The following DNMT1 variants were observed in gnomAD, a reference collection of about 807,000 sequenced individuals.
DNMT1 encodes the protein DNA (cytosine-5)-methyltransferase 1.
In DNMT1, 24 loss-of-function variants were observed where a neutral mutation model predicts 205.3. The ratio of observed to expected loss-of-function variants is 0.12; its 90% CI spans 0.08 to 0.16. DNMT1 has a LOEUF of 0.16. DNMT1 is among the 10% of genes least tolerant of loss of function. The pLI is 1.00. For missense variants in DNMT1, 1,293 were observed against 2,177.7 expected, an observed-to-expected ratio of 0.59 and a Z score of 8.09; for synonymous variants, 817 against 839.8, an observed-to-expected ratio of 0.97 and a Z score of 0.47.
chr19:10,134,166 CCCCCAGAGGGCAGTCAGG>C (rs1178746741), intron 40 of DNMT1, 33 bp downstream of exon 40: 5 of 1,597,924 alleles, frequency 3.1e-6, no homozygotes, highest in Non-Finnish European at 3.4e-6. Context: ...CCCACATGTA[CCCCCAGAGGGCAGTCAGG>C]CCCCAGAGGA....
intron 11 of DNMT1, among the ~76,000 whole-genome samples, chr19:10,165,117 A>C (rs2038661112): frequency 6.6e-6 from 1 of 151,746 alleles, no homozygotes; most frequent in Non-Finnish European, 1.5e-5. Context: ...AATTAAAAAA[A>C]AAAATTAGCT....
intron 28 of DNMT1, chr19:10,144,856 G>C (rs558617637): frequency 6.6e-6 from 1 of 152,082 alleles, no homozygotes; most frequent in Non-Finnish European, 1.5e-5. Flanking sequence ...CTCGTGCCTC[G>C]GCCTCCCAAG....
rs547553691 is a variant in DNMT1, at chr19:10,162,411, G to A, written c.1008+256C>T. On this transcript the variant is annotated intron_variant, in intron 13 of 40. Coordinates refer to ENST00000359526, the MANE Select transcript of DNMT1 (RefSeq NM_001130823.3). ...CAGCCTCTCGAGTAGCTGGGACTAC[G>A]GGCGTGCACCACCATGCCCAGATAA... Among the ~76,000 whole-genome samples the A allele has an allele frequency of 3.2e-4, 49 of 151,392 alleles. No homozygotes were observed. The South Asian group carries it at 9.8e-3, about 30-fold the overall frequency.
In DNMT1 at chr19:10,173,871, C is replaced by T. The variant is rs777469378; in HGVS notation, c.683G>A (p.Arg228Gln). Residue 228 changes from arginine to glutamine, a missense_variant and splice_region_variant, in exon 8 of 41, where the codon CGA becomes CAA. Around this residue, in one of 13 missense-constraint regions of DNMT1, gnomAD observed 394 missense variants for 451.6 expected, o/e 0.87. Transcript: ENST00000359526. ...AGAAAGGTATAGTAACTATTCTTAC[C>T]GTTCTCTGGATGTAACTCTACGTCT... ...EKRRRVTSRE[R>Q]VARPLPAEEP... 10 of 1,613,786 alleles carry T rather than the reference C, an allele frequency of 6.2e-6. No individual in the cohort carries two copies. Among genetic ancestry groups the T allele is most frequent in the South Asian group, 2.2e-5 (2 of 91,054 alleles).
Position 10,146,563 on chromosome 19 carries a change from G to A in DNMT1, c.2721-39C>T, listed in dbSNP as rs375764360. The A allele has an allele frequency of 3.7e-6, 6 of 1,611,894 alleles. No individual in the cohort carries two copies. Among genetic ancestry groups the A allele is most frequent in the Non-Finnish European group, 5.1e-6 (6 of 1,179,430 alleles). On this transcript the variant is annotated intron_variant, in intron 27 of 40. Transcript: ENST00000359526. The surrounding 1 kb of genome is among the most constrained non-coding windows in gnomAD (Gnocchi z 4.4). ...AGGGACAGAAACATAAGGCCCTGAG[G>A]TGGCCGGCAGTGGCCGCAGCAGCTA...
At chr19:10,144,387 G>A in intron 28 of DNMT1, 1 of 251,482 alleles carries the variant, frequency 4.0e-6, no homozygotes, top group East Asian at 1.0e-4. Flanking sequence ...CAGCCTGTGT[G>A]ACAGAGCAAG....
chr19:10,158,622 G>C (rs2038504570), intron 17 of DNMT1, among the ~76,000 whole-genome samples: 1 of 152,202 alleles, frequency 6.6e-6, no homozygotes, highest in Non-Finnish European at 1.5e-5. Flanking sequence ...GGATGCCTGA[G>C]AGCACAGGGC....
In DNMT1 at chr19:10,137,059, C is replaced by A; in HGVS notation, c.4489+26G>T. The A allele has an allele frequency of 6.2e-7, 1 of 1,606,860 alleles. No individual in the cohort carries two copies. Among genetic ancestry groups the A allele is most frequent in the Non-Finnish European group, 8.5e-7 (1 of 1,177,306 alleles). On this transcript the variant is annotated intron_variant, in intron 37 of 40. Transcript: ENST00000359526. This position sits in a 1 kb window ranked among gnomAD's most constrained non-coding sequence, Gnocchi z 6.4. ...TCTGCCTTCCTTCCCCTCAGCCCACCGGGAACCACAACTTACAGGACCCAC... is the reference window on the plus strand; with the variant it reads ...TCTGCCTTCCTTCCCCTCAGCCCACAGGGAACCACAACTTACAGGACCCAC...
chr19:10,160,046 G>C lies in DNMT1; in HGVS notation c.1061C>G (p.Ala354Gly). The C allele has an allele frequency of 6.2e-7, 1 of 1,601,026 alleles. No individual in the cohort carries two copies. The highest frequency in any genetic ancestry group is 8.5e-7 in the Non-Finnish European group (1 of 1,177,382). ...GGAGTTCATGACTGTTTTGGCGCGA[G>C]CCATTTTTTTCTCCGTTCTGGGGGA... is the stretch of plus-strand genomic sequence containing the variant. ...TPKEPTEKKM[A>G]RAKTVMNSKT... is the part of the protein sequence containing the mutation. Residue 354 changes from alanine (A) to glycine (G), a missense_variant, in exon 15 of 41, where the codon GCT becomes GGT. This residue lies in a region of DNMT1 where 394 missense variants were observed against 451.6 expected (regional missense o/e 0.87). Coordinates refer to ENST00000359526, the MANE Select transcript of DNMT1 (RefSeq NM_001130823.3).
intron 22 of DNMT1, among the ~76,000 whole-genome samples, chr19:10,153,625 A>C (rs2038394311): frequency 1.3e-5 from 2 of 150,360 alleles, no homozygotes. Flanking sequence ...TGACAGAGAG[A>C]GACTGTCTCA....
Position 10,140,631 on chromosome 19 carries a change from G to A in DNMT1, c.3523+150C>T. 1 of 1,414,916 alleles carries A rather than the reference G, an allele frequency of 7.1e-7. No homozygotes were observed. The highest frequency in any genetic ancestry group is 1.7e-5 in the Admixed American group (1 of 58,198). The allele number at this position is 1,414,916 out of a possible 1,614,324, so 87.6% of individuals were successfully genotyped here. ...GATCCACCCACCTCGGCCTCCCAAA[G>A]TGCTGGGATTACAGGCGTGCGCCAC... On this transcript the variant is annotated intron_variant, in intron 32 of 40. Transcript: ENST00000359526. This position sits in a 1 kb window ranked among gnomAD's most constrained non-coding sequence, Gnocchi z 8.4.
At chr19:10,173,325 A>T in intron 8 of DNMT1, 151 bp from the exon 9 acceptor site, 1 of 778,172 alleles carries the variant, frequency 1.3e-6, no homozygotes, top group East Asian at 2.7e-5. Context: ...TTAGTATTTG[A>T]TATGACTTTT....
rs1420255695 is a variant in DNMT1, at chr19:10,137,937, T to C, written c.4188A>G (p.Gly1396=). The change falls in exon 36 of 41, where the codon GGA becomes GGG. Residue 1396 remains glycine, a synonymous_variant. Coordinates refer to ENST00000359526, the MANE Select transcript of DNMT1 (RefSeq NM_001130823.3). This position sits in a 1 kb window ranked among gnomAD's most constrained non-coding sequence, Gnocchi z 6.4. ...TGTAGGAGATCTCCAGTGCCGAGGC[T>C]CCATTCCGCACCTCCGGCAGGTCGG... is the stretch of plus-strand genomic sequence containing the variant. ...TMSDLPEVRN[G]ASALEISYNG... The C allele has an allele frequency of 1.2e-6, 2 of 1,612,458 alleles. No homozygotes were observed. Among genetic ancestry groups the C allele is most frequent in the Non-Finnish European group, 1.7e-6 (2 of 1,179,522 alleles).
chr19:10,146,570 G>A lies in DNMT1; in HGVS notation c.2721-46C>T. 1 of 1,610,626 alleles carries A rather than the reference G, an allele frequency of 6.2e-7. No homozygotes were observed. Among genetic ancestry groups the A allele is most frequent in the African/African-American group, 1.3e-5 (1 of 75,012 alleles). ...GAAACATAAGGCCCTGAGGTGGCCGGCAGTGGCCGCAGCAGCTACTGCCAG... is the reference window on the plus strand; with the variant it reads ...GAAACATAAGGCCCTGAGGTGGCCGACAGTGGCCGCAGCAGCTACTGCCAG... On this transcript the variant is annotated intron_variant, in intron 27 of 40. Coordinates refer to ENST00000359526, the MANE Select transcript of DNMT1 (RefSeq NM_001130823.3). This position sits in a 1 kb window ranked among gnomAD's most constrained non-coding sequence, Gnocchi z 4.4.
chr19:10,141,147 G>T lies in DNMT1; in HGVS notation c.3352C>A (p.His1118Asn). The T allele has an allele frequency of 1.9e-6, 3 of 1,614,044 alleles. No homozygotes were observed. The highest frequency in any genetic ancestry group is 2.5e-6 in the Non-Finnish European group (3 of 1,180,038). ...KSKSFEDPPN[H>N]ARSPGNKGKG... ...CCTTTGTTTCCAGGGCTACGGGCAT[G>T]GTTGGGAGGATCTTCAAAGCTTTTG... Residue 1118 changes from histidine to asparagine, a missense_variant, in exon 31 of 41, where the codon CAT (histidine) becomes AAT (asparagine). His to Asn is a moderately conservative substitution (Grantham distance 68). This residue lies in a region of DNMT1 where 167 missense variants were observed against 258.1 expected (regional missense o/e 0.65). Coordinates refer to ENST00000359526, the MANE Select transcript of DNMT1 (RefSeq NM_001130823.3).
intron 13 of DNMT1, among the ~76,000 whole-genome samples, chr19:10,161,650 A>T (rs2145326862): frequency 6.6e-6 from 1 of 152,308 alleles, no homozygotes; most frequent in South Asian, 2.1e-4. Context: ...TCTCAAAAAT[A>T]AATACTAAAA....
chr19:10,157,176 C>T (rs534713653), intron 17 of DNMT1, among the ~76,000 whole-genome samples: 1 of 152,260 alleles, frequency 6.6e-6, no homozygotes, highest in South Asian at 2.1e-4. Context: ...CATCAAGTAG[C>T]AGTCACTCTC....
intron 9 of DNMT1, 56 bp downstream of exon 9, chr19:10,173,034 T>C (rs1310415704): frequency 2.0e-5 from 32 of 1,602,552 alleles, no homozygotes; most frequent in Middle Eastern, 1.7e-4. Flanking sequence ...GGAAGGAAAT[T>C]GGGACCATAT....
chr19:10,160,999 G>A (rs2038555203), intron 13 of DNMT1, among the ~76,000 whole-genome samples: 1 of 151,582 alleles, frequency 6.6e-6, no homozygotes, highest in South Asian at 2.1e-4. Flanking sequence ...ACACCTCAAG[G>A]TAAACAAATA....
Sources: gnomAD v4.1 joint callset for allele counts (sites outside exome capture counted in the v4.1 genomes callset) on GRCh38, gnomAD v4.1.1 for gene constraint, gnomAD v4.1.1 regional missense constraint, Gnocchi (gnomAD v3.1) non-coding constraint, MANE v1.5 for transcripts, NCBI Gene and HGNC (gene_info 2026-07-23, HGNC 2026-07-21) for gene names.